TBC1D5: variants seen among roughly 807,000 people sequenced by gnomAD.
TBC1D5 encodes TBC1 domain family, member 5.
In TBC1D5, 75 loss-of-function variants were observed where a neutral mutation model predicts 100.3. The ratio of observed to expected loss-of-function variants is 0.75; its 90% CI spans 0.62 to 0.91. The LOEUF is 0.91. TBC1D5 is among the 40% of genes least tolerant of loss of function. The probability of loss-of-function intolerance (pLI) is 0.00; values close to 1 mark genes in which losing one functional copy is unlikely to be tolerated. For missense variants in TBC1D5, 910 were observed against 942.4 expected, an observed-to-expected ratio of 0.97 and a Z score of 0.45; for synonymous variants, 323 against 325.6, an observed-to-expected ratio of 0.99 and a Z score of 0.09.
chr3:17,707,811 A>C (rs1342548008), intron 1 of TBC1D5, among the ~76,000 whole-genome samples: 1 of 152,184 alleles, frequency 6.6e-6, no homozygotes, highest in South Asian at 2.1e-4. Flanking sequence ...AAAAACAACC[A>C]AAGAAACAAA....
intron 17 of TBC1D5, among the ~76,000 whole-genome samples, chr3:17,218,818 T>C (rs1289148201): frequency 1.3e-5 from 2 of 152,032 alleles, no homozygotes; most frequent in African/African-American, 4.8e-5. Flanking sequence ...TGTTCTTCTA[T>C]TGCTGCTTTC....
intron 13 of TBC1D5, among the ~76,000 whole-genome samples, chr3:17,318,164 G>A (rs2084931206): frequency 6.8e-6 from 1 of 147,874 alleles, no homozygotes; most frequent in Admixed American, 6.9e-5. Flanking sequence ...ACTCATAGAT[G>A]GGAACTGAAC....
chr3:17,185,149 G>A, exon 19 of TBC1D5: 4 of 1,613,600 alleles, frequency 2.5e-6, no homozygotes, highest in South Asian at 2.2e-5. Context: ...ATTTGCACAT[G>A]GCATCCAGGT....
chr3:17,358,580 A>G (rs1267595470), intron 13 of TBC1D5, among the ~76,000 whole-genome samples: 1 of 152,176 alleles, frequency 6.6e-6, no homozygotes, highest in Admixed American at 6.5e-5. Flanking sequence ...GAATCTACTG[A>G]GCATAGGTGC....
At chr3:17,331,751 A>G (rs2086889685) in intron 13 of TBC1D5, among the ~76,000 whole-genome samples, 1 of 152,236 alleles carries the variant, frequency 6.6e-6, no homozygotes, top group Admixed American at 6.5e-5. Context: ...TGAATCATAA[A>G]CAAAGTGAGG....
chr3:17,326,847 TCTTAA>T lies in TBC1D5; in HGVS notation c.996-18718_996-18714del, dbSNP rs143748001. ...AAACTCTTGCTCCTCTCACTATCTT[TCTTAA>T]CTTAGGAGACAGCAATCAACCCTCT... On this transcript the variant is annotated intron_variant, in intron 13 of 21. Transcript: ENST00000253692. Among the ~76,000 whole-genome samples, 523 of 152,306 alleles carry T rather than the reference TCTTAA, an allele frequency of 3.4e-3. 2 individuals carry two copies. The highest frequency in any genetic ancestry group is 0.012 in the African/African-American group (509 of 41,574).
chr3:17,467,723 A>AAATAAT (rs762727520), intron 3 of TBC1D5, among the ~76,000 whole-genome samples: 1 of 151,604 alleles, frequency 6.6e-6, no homozygotes, highest in South Asian at 2.1e-4. Flanking sequence ...AAAAATACAA[A>AAATAAT]AATAATAATA....
At chr3:17,536,945 G>A (rs1162134031) in intron 2 of TBC1D5, among the ~76,000 whole-genome samples, 1 of 152,120 alleles carries the variant, frequency 6.6e-6, no homozygotes, top group Non-Finnish European at 1.5e-5. Flanking sequence ...AGCCTTCTAA[G>A]AAAATATATG....
chr3:17,350,376 T>C (rs942623477), intron 13 of TBC1D5, among the ~76,000 whole-genome samples: 4 of 152,150 alleles, frequency 2.6e-5, no homozygotes, highest in Non-Finnish European at 4.4e-5. Flanking sequence ...TAAACATCAA[T>C]CCCAAACAGC....
chr3:17,334,986 G>A (rs1314277648), intron 13 of TBC1D5, among the ~76,000 whole-genome samples: 1 of 152,028 alleles, frequency 6.6e-6, no homozygotes, highest in Non-Finnish European at 1.5e-5. Context: ...AAAATAAATT[G>A]TCCATGTACC....
At chr3:17,664,177 C>A (rs1174329590) in intron 1 of TBC1D5, among the ~76,000 whole-genome samples, 1 of 152,152 alleles carries the variant, frequency 6.6e-6, no homozygotes, top group African/African-American at 2.4e-5. Context: ...TCAAGCAATT[C>A]TCCTGCCTCA....
intron 17 of TBC1D5, among the ~76,000 whole-genome samples, chr3:17,224,315 C>A (rs1176443252): frequency 6.6e-5 from 10 of 152,156 alleles, no homozygotes; most frequent in Non-Finnish European, 1.5e-4. Context: ...ATTATAAACA[C>A]CAATGCTGAT....
intron 1 of TBC1D5, among the ~76,000 whole-genome samples, chr3:17,674,920 G>C (rs1240467219): frequency 6.6e-6 from 1 of 151,988 alleles, no homozygotes; most frequent in East Asian, 1.9e-4. Flanking sequence ...GAAAATGAAT[G>C]TTGAATTTAA....
intron 3 of TBC1D5, among the ~76,000 whole-genome samples, chr3:17,470,549 G>A (rs1273058159): frequency 6.6e-6 from 1 of 152,158 alleles, no homozygotes; most frequent in East Asian, 1.9e-4. Context: ...GAATAATGGA[G>A]TGACTTAAAT....
At chr3:17,732,226 G>A (rs1003594256) in intron 1 of TBC1D5, among the ~76,000 whole-genome samples, 4 of 149,930 alleles carry the variant, frequency 2.7e-5, no homozygotes, top group Non-Finnish European at 5.9e-5. Flanking sequence ...GCTGAGGCAG[G>A]AGAAGCCCCT....
At chr3:17,492,453 T>G (rs80107578) in intron 3 of TBC1D5, among the ~76,000 whole-genome samples, 2 of 151,126 alleles carry the variant, frequency 1.3e-5, no homozygotes, top group East Asian at 3.9e-4. Context: ...TTTTTTTTTT[T>G]GAGACAGAGT....
At position 17,248,499 on chromosome 3, in the gene TBC1D5, C is replaced by T. The variant is rs151176206; in HGVS notation, c.1331+10007G>A. On this transcript the variant is annotated intron_variant, in intron 16 of 21. Transcript: ENST00000253692. ...CCATCAGAGGAATCACTATCTATGG[C>T]AGCTATAGCCTTATGAAATGTATTT... Among the ~76,000 whole-genome samples, 1,174 of 152,280 alleles carry T rather than the reference C, an allele frequency of 7.7e-3. 16 individuals carry two copies. The highest frequency in any genetic ancestry group is 0.027 in the African/African-American group (1,128 of 41,566).
intron 2 of TBC1D5, among the ~76,000 whole-genome samples, chr3:17,620,473 C>T (rs1227752083): frequency 1.3e-5 from 2 of 152,136 alleles, no homozygotes; most frequent in Admixed American, 6.5e-5. Flanking sequence ...CCTGCAAAAA[C>T]GAATGAGGAA....
At chr3:17,367,273 TAG>T (rs1486405631) in intron 13 of TBC1D5, among the ~76,000 whole-genome samples, 1 of 152,210 alleles carries the variant, frequency 6.6e-6, no homozygotes, top group Non-Finnish European at 1.5e-5. Flanking sequence ...TGCTCTAAGT[TAG>T]AGTTTTTTGA....
Sources: gnomAD v4.1 joint callset for allele counts (sites outside exome capture counted in the v4.1 genomes callset) on GRCh38, gnomAD v4.1.1 for gene constraint, MANE v1.5 for transcripts, NCBI Gene and HGNC (gene_info 2026-07-23, HGNC 2026-07-21) for gene names.